The following FBXO4 variants were observed in gnomAD, a reference collection of about 807,000 sequenced individuals.
FBXO4 encodes F-box protein 4.
A neutral mutation model predicts 43.7 loss-of-function variants in FBXO4; 36 were observed. That is an observed-to-expected ratio of 0.82 (90% confidence interval 0.63 to 1.09). The LOEUF is 1.09. Ranked by LOEUF, FBXO4 falls within the 50% of genes least tolerant of loss-of-function variation. The probability of loss-of-function intolerance (pLI) is 0.00; values close to 1 mark genes in which losing one functional copy is unlikely to be tolerated. For synonymous variants in FBXO4, 180 were observed against 165.6 expected, an observed-to-expected ratio of 1.09 and a Z score of -0.67; for missense variants, 435 against 474.1, an observed-to-expected ratio of 0.92 and a Z score of 0.77.
the FBXO4 span, among the ~76,000 whole-genome samples, chr5:42,035,541 T>C: frequency 8.1e-4 from 124 of 152,284 alleles, 3 homozygotes; most frequent in South Asian, 0.025. Flanking sequence ...CTAAAGGTCA[T>C]ATATTGTCAT....
chr5:42,015,880 A>G, the FBXO4 span, among the ~76,000 whole-genome samples: 1 of 152,182 alleles, frequency 6.6e-6, no homozygotes, highest in Non-Finnish European at 1.5e-5. Context: ...TGTGGTTAAT[A>G]CTAGAAATAG....
At chr5:42,019,149 T>A in the FBXO4 span, among the ~76,000 whole-genome samples, 48 of 152,284 alleles carry the variant, frequency 3.2e-4, no homozygotes, top group African/African-American at 1.1e-3. Context: ...TTATATGCAA[T>A]CTAAATTTTA....
chr5:41,966,709 T>G, the FBXO4 span, among the ~76,000 whole-genome samples: 1 of 152,220 alleles, frequency 6.6e-6, no homozygotes, highest in African/African-American at 2.4e-5. Context: ...CATTTTTTTC[T>G]TTTTCCTCTT....
chr5:41,925,363 C>T lies in FBXO4; in HGVS notation c.54C>T (p.Ser18=). 3 of 1,372,994 alleles carry T rather than the reference C, an allele frequency of 2.2e-6. No individual in the cohort carries two copies. Among genetic ancestry groups the T allele is most frequent in the African/African-American group, 1.5e-5 (1 of 65,444 alleles). The allele number at this position is 1,372,994 out of a possible 1,614,324, so 85.1% of individuals were successfully genotyped here. A position where few individuals can be genotyped will look rare whatever the true frequency, so the allele number is the denominator to read the frequency against. ...SGTNSPPPPF[S]DWGRLEAAIL... ...CAAACTCGCCGCCGCCGCCCTTCAG[C>T]GACTGGGGCCGCCTGGAGGCGGCCA... Residue 18 remains serine, a synonymous_variant, in exon 1 of 7, where the codon AGC becomes AGT. Transcript: ENST00000281623.
chr5:42,011,473 A>G, the FBXO4 span, among the ~76,000 whole-genome samples: 1 of 152,204 alleles, frequency 6.6e-6, no homozygotes, highest in Non-Finnish European at 1.5e-5. Flanking sequence ...CCAAATAAAT[A>G]TCTTTTCTTT....
At chr5:41,987,755 A>G in the FBXO4 span, among the ~76,000 whole-genome samples, 1 of 152,192 alleles carries the variant, frequency 6.6e-6, no homozygotes, top group African/African-American at 2.4e-5. Flanking sequence ...TTTTTTACCA[A>G]CCTGATAATA....
the FBXO4 span, among the ~76,000 whole-genome samples, chr5:42,040,151 C>T: frequency 6.6e-6 from 1 of 152,148 alleles, no homozygotes; most frequent in African/African-American, 2.4e-5. Flanking sequence ...TAATACACCT[C>T]CCTTTTGCAA....
intron 2 of FBXO4, among the ~76,000 whole-genome samples, 186 bp from the exon 3 acceptor site, chr5:41,929,511 C>CT (rs1405288860): frequency 6.6e-6 from 1 of 152,210 alleles, no homozygotes; most frequent in Non-Finnish European, 1.5e-5. Flanking sequence ...GCACCTTGTG[C>CT]TTTTCCCTGT....
intron 2 of FBXO4, among the ~76,000 whole-genome samples, chr5:41,927,503 C>G (rs1350714110): frequency 6.6e-6 from 1 of 152,134 alleles, no homozygotes; most frequent in East Asian, 1.9e-4. Context: ...TAAAAGACTT[C>G]TTAAAAGTCT....
intron 5 of FBXO4, among the ~76,000 whole-genome samples, chr5:41,937,677 C>G (rs1474911885): frequency 1.3e-5 from 2 of 152,146 alleles, no homozygotes; most frequent in Admixed American, 1.3e-4. Context: ...ATTTATTTCT[C>G]ACAGTTTTGG....
the FBXO4 span, among the ~76,000 whole-genome samples, chr5:41,976,206 G>A: frequency 1.3e-5 from 2 of 152,108 alleles, no homozygotes; most frequent in African/African-American, 4.8e-5. Context: ...GGGGAAAAAT[G>A]TCCAAACTAT....
the FBXO4 span, among the ~76,000 whole-genome samples, chr5:42,007,403 A>G: frequency 6.6e-6 from 1 of 152,144 alleles, no homozygotes; most frequent in East Asian, 1.9e-4. Flanking sequence ...TTTAAAAAGT[A>G]TTAGCCATCT....
the FBXO4 span, among the ~76,000 whole-genome samples, chr5:41,961,792 AT>A: frequency 6.6e-6 from 1 of 152,154 alleles, no homozygotes; most frequent in Non-Finnish European, 1.5e-5. Context: ...GTGCAGACAC[AT>A]CTCCTTTTCT....
the FBXO4 span, among the ~76,000 whole-genome samples, chr5:41,989,927 A>G: frequency 6.6e-6 from 1 of 152,140 alleles, no homozygotes; most frequent in Non-Finnish European, 1.5e-5. Context: ...AGGACTGGGG[A>G]AATACGGCAG....
At chr5:41,975,541 A>C in the FBXO4 span, among the ~76,000 whole-genome samples, 1 of 152,212 alleles carries the variant, frequency 6.6e-6, no homozygotes, top group African/African-American at 2.4e-5. Context: ...TTCTATTACT[A>C]ATCTTATCTT....
chr5:42,021,191 AG>A, the FBXO4 span, among the ~76,000 whole-genome samples: 2 of 152,288 alleles, frequency 1.3e-5, no homozygotes, highest in South Asian at 4.1e-4. Flanking sequence ...AAATCGGATA[AG>A]AGTTGAAGGA....
chr5:41,995,393 A>C, the FBXO4 span, among the ~76,000 whole-genome samples: 1 of 152,202 alleles, frequency 6.6e-6, no homozygotes, highest in South Asian at 2.1e-4. Flanking sequence ...TAGTTGGCTG[A>C]TCACCCTGAG....
the FBXO4 span, among the ~76,000 whole-genome samples, chr5:41,973,460 TGA>T: frequency 1.4e-4 from 22 of 152,306 alleles, no homozygotes; most frequent in African/African-American, 5.3e-4. Flanking sequence ...GAGGATTGCT[TGA>T]GCCCAGGGGT....
In FBXO4 at chr5:41,936,811, GA is replaced by G. The variant is rs201596373; in HGVS notation, c.898+2505del. ...GCAAGGAACAGAGTGAGAGTTGGGG[GA>G]ATCTATCCAGTGATCTAACTCAGGG... On this transcript the variant is annotated intron_variant, in intron 5 of 6. Transcript: ENST00000281623. Among the ~76,000 whole-genome samples the G allele has an allele frequency of 6.3e-3, 963 of 152,036 alleles. 10 individuals are homozygous for G. Among genetic ancestry groups the G allele is most frequent in the Middle Eastern group, 0.027 (8 of 294 alleles).
Sources: allele counts gnomAD v4.1 joint callset (sites outside exome capture counted in the v4.1 genomes callset), GRCh38; gene constraint gnomAD v4.1.1; transcripts MANE v1.5; gene names NCBI Gene and HGNC (gene_info 2026-07-23, HGNC 2026-07-21).